NLGN4X: variants seen among roughly 807,000 people sequenced by gnomAD.
NLGN4X encodes neuroligin 4 X-linked.
NLGN4X carries 3 observed loss-of-function variants against 40.3 expected under a neutral mutation model. The observed-to-expected ratio is 0.07, with a 90% confidence interval of 0.03 to 0.19. The LOEUF (loss-of-function observed/expected upper bound fraction) is 0.19, where lower values mean the gene tolerates loss of function less well. Among genes scored for constraint, NLGN4X ranks in the 10% least tolerant of loss-of-function variants. NLGN4X has a pLI of 1.00. For synonymous variants in NLGN4X, 270 were observed against 306.8 expected (o/e 0.88, Z 1.25); for missense variants, 382 against 708.3 (o/e 0.54, Z 5.23).
chrX:6,011,344 T>C (rs1366583542), intron 3 of NLGN4X, among the ~76,000 whole-genome samples: 3 of 100,725 alleles, frequency 3.0e-5, no homozygotes, highest in Non-Finnish European at 6.0e-5. Flanking sequence ...TCTCTACCAA[T>C]ACCCAACATC....
Position 6,013,945 on chromosome X carries a change from G to A in NLGN4X, c.625+15335C>T, listed in dbSNP as rs755099769. On this transcript the variant is annotated intron_variant, in intron 3 of 5. Transcript: ENST00000381095. Reference sequence around the variant, plus strand: ...CGCCTGTAATCCCAGCACTTTAAGAGGCCAAGGAGAGCGGATCACGAGGTC... The same window carrying A: ...CGCCTGTAATCCCAGCACTTTAAGAAGCCAAGGAGAGCGGATCACGAGGTC... 4.2e-3 allele frequency among the ~76,000 whole-genome samples: 462 copies of A among 110,578 alleles called. 2 individuals carry two copies. The highest frequency in any genetic ancestry group is 5.4e-3 in the Non-Finnish European group (284 of 52,932).
Position 6,004,341 on chromosome X carries a change from T to A in NLGN4X, c.625+24939A>T, listed in dbSNP as rs1265966639. 3.6e-5 allele frequency among the ~76,000 whole-genome samples: 4 copies of A among 112,182 alleles called. No individual in the cohort carries two copies. In the Admixed American group the frequency reaches 3.8e-4, roughly 11 times the overall value. On this transcript the variant is annotated intron_variant, in intron 3 of 5. Transcript: ENST00000381095. ...TTACGAATTTTGTGTTTCTTTGTGA[T>A]CCCATGTTCTGTCATTTTACAACTA...
Position 5,978,911 on chromosome X carries a change from T to C in NLGN4X, c.625+50369A>G, listed in dbSNP as rs1183007595. ...GCTTGAACCCAGGAGGTGGAGGTTGTAGTGAGCCGAGGTTGTGCCACTGCA... is the reference window on the plus strand; with the variant it reads ...GCTTGAACCCAGGAGGTGGAGGTTGCAGTGAGCCGAGGTTGTGCCACTGCA... On this transcript the variant is annotated intron_variant, in intron 3 of 5. Coordinates refer to ENST00000381095, the MANE Select transcript of NLGN4X (RefSeq NM_181332.3). Among the ~76,000 whole-genome samples the C allele has an allele frequency of 3.6e-5, 4 of 111,182 alleles. No homozygotes were observed. The East Asian group carries it at 1.1e-3, about 32-fold the overall frequency.
intron 3 of NLGN4X, among the ~76,000 whole-genome samples, chrX:6,012,581 C>T (rs1190646452): frequency 9.0e-6 from 1 of 111,619 alleles, no homozygotes; most frequent in Non-Finnish European, 1.9e-5. Flanking sequence ...AATACATGTC[C>T]ACCTGGAAAC....
At chrX:5,978,940 C>T (rs1281204280) in intron 3 of NLGN4X, among the ~76,000 whole-genome samples, 1 of 111,065 alleles carries the variant, frequency 9.0e-6, no homozygotes, top group Non-Finnish European at 1.9e-5. Flanking sequence ...CACTGCACTT[C>T]ACCCTGGGTG....
intron 1 of NLGN4X, chrX:6,187,004 C>G (rs917119911): frequency 9.1e-6 from 1 of 109,965 alleles, no homozygotes; most frequent in African/African-American, 3.3e-5. Flanking sequence ...GGTACGATCT[C>G]AGCTCACTGC....
intron 3 of NLGN4X, among the ~76,000 whole-genome samples, chrX:5,917,859 G>A (rs566059604): frequency 3.1e-4 from 35 of 112,137 alleles, no homozygotes; most frequent in African/African-American, 1.1e-3. Context: ...GAGATTGTGT[G>A]TTCTCTGATG....
At chrX:5,958,985 A>C (rs2146970505) in intron 3 of NLGN4X, among the ~76,000 whole-genome samples, 1 of 112,113 alleles carries the variant, frequency 8.9e-6, no homozygotes, top group South Asian at 3.7e-4. Flanking sequence ...TAATCGCAGA[A>C]AAAGAAGGAG....
chrX:6,143,464 C>A (rs2039987934), intron 2 of NLGN4X, among the ~76,000 whole-genome samples: 2 of 112,218 alleles, frequency 1.8e-5, no homozygotes, highest in Non-Finnish European at 3.8e-5. Context: ...TGTAAAGGTG[C>A]AGCCGCGATC....
intron 3 of NLGN4X, among the ~76,000 whole-genome samples, chrX:5,938,958 T>C (rs2033820921): frequency 2.1e-5 from 2 of 94,714 alleles, no homozygotes; most frequent in South Asian, 4.2e-4. Flanking sequence ...TTTGTATTTG[T>C]GTGTGTGCGT....
At position 5,959,522 on chromosome X, in the gene NLGN4X, G is replaced by C. The variant is rs748775984; in HGVS notation, c.626-50283C>G. Among the ~76,000 whole-genome samples the C allele has an allele frequency of 2.7e-5, 3 of 112,110 alleles. No homozygotes were observed. In the South Asian group the frequency reaches 1.1e-3, roughly 42 times the overall value. On this transcript the variant is annotated intron_variant, in intron 3 of 5. Transcript: ENST00000381095. ...GGCTGTGTGGATTGAGATGTGAACA[G>C]CTGAAGAACTAAGATGTGGATTTTC...
At chrX:6,082,146 T>A (rs765577298) in intron 2 of NLGN4X, among the ~76,000 whole-genome samples, 1 of 112,480 alleles carries the variant, frequency 8.9e-6, no homozygotes, top group East Asian at 2.8e-4. Flanking sequence ...TAATATTCTG[T>A]ATTTTGGCAA....
chrX:6,212,043 C>G (rs776586193), intron 1 of NLGN4X, among the ~76,000 whole-genome samples: 11 of 110,470 alleles, frequency 1.0e-4, no homozygotes, highest in African/African-American at 3.6e-4. Context: ...GTCAGGAGTT[C>G]GAGACCAGCC....
intron 1 of NLGN4X, among the ~76,000 whole-genome samples, chrX:6,154,863 C>A (rs12839267): frequency 9.0e-6 from 1 of 111,493 alleles, no homozygotes; most frequent in African/African-American, 3.3e-5. Context: ...GTTATTCTGA[C>A]TCAGGTTGCA....
chrX:5,922,883 T>C (rs2033127078), intron 3 of NLGN4X, among the ~76,000 whole-genome samples: 1 of 109,992 alleles, frequency 9.1e-6, no homozygotes, highest in Non-Finnish European at 1.9e-5. Context: ...ATAAATAAAA[T>C]AAAAAAATAA....
intron 1 of NLGN4X, among the ~76,000 whole-genome samples, chrX:6,152,841 C>T (rs781422677): frequency 8.9e-6 from 1 of 112,516 alleles, no homozygotes; most frequent in Non-Finnish European, 1.9e-5. Context: ...TCCTCTTCAC[C>T]CTTCAGCCCA....
chrX:5,978,416 A>G (rs1426405837), intron 3 of NLGN4X, among the ~76,000 whole-genome samples: 1 of 100,048 alleles, frequency 1.0e-5, no homozygotes, highest in Non-Finnish European at 2.0e-5. Context: ...CCTTTCCTTT[A>G]TCAGCTCTTT....
chrX:5,996,516 A>C (rs915003003), intron 3 of NLGN4X, among the ~76,000 whole-genome samples: 11 of 111,409 alleles, frequency 9.9e-5, no homozygotes, highest in Non-Finnish European at 1.9e-4. Flanking sequence ...GGACTCAAAG[A>C]CTTTCCCATT....
chrX:6,210,239 C>CATTT (rs1924457135), intron 1 of NLGN4X, among the ~76,000 whole-genome samples: 1 of 85,359 alleles, frequency 1.2e-5, no homozygotes, highest in African/African-American at 5.0e-5. Flanking sequence ...CGTGTGCGCC[C>CATTT]GTTTGTGTGT....
Sources: allele counts gnomAD v4.1 joint callset (sites outside exome capture counted in the v4.1 genomes callset), GRCh38; gene constraint gnomAD v4.1.1; transcripts MANE v1.5; gene names NCBI Gene and HGNC (gene_info 2026-07-23, HGNC 2026-07-21).